POR: variants seen among roughly 807,000 people sequenced by gnomAD.
POR encodes NADPH--cytochrome P450 reductase.
In POR, 56 loss-of-function variants were observed where a neutral mutation model predicts 84.0. The ratio of observed to expected loss-of-function variants is 0.67; its 90% CI spans 0.54 to 0.83. The LOEUF is 0.83. Ranked by LOEUF, POR falls within the 40% of genes least tolerant of loss-of-function variation. The pLI, the probability that POR is intolerant of heterozygous loss-of-function variation, is 0.00. For synonymous variants in POR, 414 were observed against 400.5 expected, an observed-to-expected ratio of 1.03 and a Z score of -0.40; for missense variants, 938 against 944.3, an observed-to-expected ratio of 0.99 and a Z score of 0.09.
chr7:75,928,530 ATCT>A (rs544387507), intron 1 of POR, among the ~76,000 whole-genome samples: 31 of 152,334 alleles, frequency 2.0e-4, no homozygotes, highest in Non-Finnish European at 3.8e-4. Flanking sequence ...CCCTCCAGCA[ATCT>A]TCTTCCCATC....
In POR at chr7:75,985,897, CGCTCACCCCG is replaced by C. The variant is rs782318703; in HGVS notation, c.1670-23_1670-14del. 1.9e-6 allele frequency: 3 copies of C among 1,562,066 alleles called. No individual in the cohort carries two copies. In the African/African-American group the frequency reaches 4.0e-5, roughly 21 times the overall value. On this transcript the variant is annotated splice_polypyrimidine_tract_variant and intron_variant, in intron 13 of 15. Transcript: ENST00000461988. The stretch of plus-strand genomic sequence containing the variant: ...GAGGGGGTGACGACTGGGAGCCCCG[CGCTCACCCCG>C]GCCCCTGCCACGCAGGCAAGGAGGT...
chr7:75,968,254 C>G (rs1554555627), intron 2 of POR: 1 of 467,650 alleles, frequency 2.1e-6, no homozygotes, highest in Non-Finnish European at 4.4e-6. Context: ...CCTGAAGATG[C>G]GGCTGCCTGG....
Position 75,985,934 on chromosome 7 carries a change from G to A in POR, c.1681G>A (p.Gly561Arg). 1.3e-6 allele frequency: 2 copies of A among 1,587,582 alleles called. No individual in the cohort carries two copies. The highest frequency in any genetic ancestry group is 1.3e-5 in the African/African-American group (1 of 74,672). The change falls in exon 14 of 16, where the codon GGG (glycine) becomes AGG (arginine). Residue 561 changes from glycine to arginine, a missense_variant. Transcript: ENST00000461988. ...CCCCTGCCACGCAGGCAAGGAGGTG[G>A]GGGAGACGCTGCTGTACTACGGCTG...
intron 3 of POR, among the ~76,000 whole-genome samples, chr7:75,977,399 C>G (rs1320391253): frequency 6.6e-6 from 1 of 152,212 alleles, no homozygotes; most frequent in Non-Finnish European, 1.5e-5. Flanking sequence ...GGATAAGAAG[C>G]TACTTCTACA....
intron 1 of POR, among the ~76,000 whole-genome samples, chr7:75,917,117 G>C (rs1193436359): frequency 6.6e-6 from 1 of 151,760 alleles, no homozygotes; most frequent in Non-Finnish European, 1.5e-5. Flanking sequence ...GTGCAGGCTG[G>C]AGTGCAGTGG....
At chr7:75,931,767 G>A (rs1398121010) in intron 1 of POR, among the ~76,000 whole-genome samples, 1 of 151,982 alleles carries the variant, frequency 6.6e-6, no homozygotes, top group Non-Finnish European at 1.5e-5. Context: ...TTTCCATCAG[G>A]AAGCCCTCCT....
At chr7:75,919,382 C>CGTGTGTGTGT (rs56136603) in intron 1 of POR, among the ~76,000 whole-genome samples, 3,048 of 146,512 alleles carry the variant, frequency 0.021, 97 homozygotes, top group African/African-American at 0.069. Flanking sequence ...TCTGTGCGTG[C>CGTGTGTGTGT]GTGTGTGTGT....
At chr7:75,937,049 G>C (rs1200046636) in intron 1 of POR, among the ~76,000 whole-genome samples, 1 of 151,198 alleles carries the variant, frequency 6.6e-6, no homozygotes, top group African/African-American at 2.4e-5. Context: ...GGATGGTCTC[G>C]ATATCCTGAC....
chr7:75,962,817 G>A (rs1554554691), intron 2 of POR, among the ~76,000 whole-genome samples: 3 of 152,166 alleles, frequency 2.0e-5, no homozygotes, highest in African/African-American at 7.2e-5. Flanking sequence ...TTTCCAAAGC[G>A]TCACATAAAT....
intron 1 of POR, among the ~76,000 whole-genome samples, chr7:75,926,882 C>T (rs1200780553): frequency 6.6e-6 from 1 of 152,122 alleles, no homozygotes; most frequent in Non-Finnish European, 1.5e-5. Context: ...GATAGCTCCA[C>T]CCAGACACGA....
chr7:75,925,567 G>A (rs1042276948), intron 1 of POR, among the ~76,000 whole-genome samples: 5 of 152,094 alleles, frequency 3.3e-5, no homozygotes, highest in African/African-American at 1.2e-4. Flanking sequence ...GCCTTTACAC[G>A]AGGATCATTG....
intron 2 of POR, among the ~76,000 whole-genome samples, chr7:75,954,866 C>T (rs574031124): frequency 4.6e-5 from 7 of 152,210 alleles, no homozygotes; most frequent in Middle Eastern, 3.4e-3. Flanking sequence ...CGCCACCACG[C>T]CTGGCTATTT....
intron 8 of POR, 158 bp from the exon 9 acceptor site, chr7:75,983,362 A>G: frequency 1.6e-6 from 1 of 606,954 alleles, no homozygotes; most frequent in Admixed American, 3.0e-5. Flanking sequence ...AGAGAACTGC[A>G]TTGGACCAGG....
chr7:75,977,501 T>C (rs9886105), intron 3 of POR, among the ~76,000 whole-genome samples: 43,107 of 152,042 alleles, frequency 0.28, 6,902 homozygotes, highest in Non-Finnish European at 0.37. Context: ...GGTGGCTGGG[T>C]GCGGTGGCTC....
chr7:75,959,990 A>G (rs886335470), intron 2 of POR, among the ~76,000 whole-genome samples: 6 of 152,040 alleles, frequency 3.9e-5, no homozygotes, highest in Non-Finnish European at 8.8e-5. Context: ...AGCAGTAATG[A>G]TAATAAATGG....
chr7:75,973,462 C>T (rs1788530694), intron 3 of POR, among the ~76,000 whole-genome samples: 1 of 151,826 alleles, frequency 6.6e-6, no homozygotes, highest in South Asian at 2.1e-4. Flanking sequence ...TACAGGTGCA[C>T]ACCACCACGC....
intron 1 of POR, among the ~76,000 whole-genome samples, chr7:75,951,062 G>C (rs369808634): frequency 0.1 from 1,473 of 14,044 alleles, 49 homozygotes; most frequent in Middle Eastern, 0.25. Context: ...CTGTCCCCCG[G>C]CCCCCCCCCC....
chr7:75,982,538 C>T (rs1214817068), intron 8 of POR, among the ~76,000 whole-genome samples: 1 of 152,242 alleles, frequency 6.6e-6, no homozygotes, highest in Non-Finnish European at 1.5e-5. Context: ...CCTTACTCTG[C>T]ACTGCCCAGG....
intron 1 of POR, among the ~76,000 whole-genome samples, chr7:75,951,113 G>A (rs1220983144): frequency 3.1e-5 from 4 of 127,120 alleles, no homozygotes; most frequent in Non-Finnish European, 6.2e-5. Flanking sequence ...GCCAAGTTGA[G>A]GCCAGGCACA....
Sources: gnomAD v4.1 joint callset for allele counts (sites outside exome capture counted in the v4.1 genomes callset) on GRCh38, gnomAD v4.1.1 for gene constraint, MANE v1.5 for transcripts, NCBI Gene and HGNC (gene_info 2026-07-23, HGNC 2026-07-21) for gene names.